XKR4: variants seen among roughly 807,000 people sequenced by gnomAD.
XKR4 encodes the protein XK related 4.
Under a neutral mutation model 53.9 loss-of-function variants are expected in XKR4, and 12 were observed. That is an observed-to-expected ratio of 0.22 (90% CI 0.14 to 0.36). XKR4 has a LOEUF of 0.36. XKR4 is among the 10% of genes least tolerant of loss of function. The pLI is 1.00. For missense variants in XKR4, 799 were observed against 859.5 expected (o/e 0.93, Z 0.88); for synonymous variants, 354 against 362.4 (o/e 0.98, Z 0.26).
chr8:55,396,571 G>A (rs562173201), intron 2 of XKR4, among the ~76,000 whole-genome samples: 1 of 152,120 alleles, frequency 6.6e-6, no homozygotes, highest in African/African-American at 2.4e-5. Context: ...CTGAAGAAAA[G>A]TTCCATCTAT....
chr8:55,358,638 A>G (rs1803855095), intron 2 of XKR4, among the ~76,000 whole-genome samples: 1 of 152,232 alleles, frequency 6.6e-6, no homozygotes, highest in Non-Finnish European at 1.5e-5. Flanking sequence ...AGGTGAATAC[A>G]TGGGCACATG....
chr8:55,509,961 T>G (rs1292205491), intron 2 of XKR4, among the ~76,000 whole-genome samples: 1 of 152,168 alleles, frequency 6.6e-6, no homozygotes, highest in Non-Finnish European at 1.5e-5. Flanking sequence ...TTTGTAAAAC[T>G]CTACACTTTA....
At chr8:55,413,672 T>C (rs1174061791) in intron 2 of XKR4, among the ~76,000 whole-genome samples, 1 of 152,250 alleles carries the variant, frequency 6.6e-6, no homozygotes, top group African/African-American at 2.4e-5. Flanking sequence ...TCTTTAAAAC[T>C]TGGTCTGATT....
chr8:55,301,768 G>A (rs1819202749), intron 1 of XKR4, among the ~76,000 whole-genome samples: 1 of 152,172 alleles, frequency 6.6e-6, no homozygotes, highest in South Asian at 2.1e-4. Flanking sequence ...ATTTTTTCAT[G>A]TGTCTTTTGG....
At chr8:55,447,320 T>C (rs1805361457) in intron 2 of XKR4, among the ~76,000 whole-genome samples, 1 of 152,234 alleles carries the variant, frequency 6.6e-6, no homozygotes, top group East Asian at 1.9e-4. Flanking sequence ...GCCAAATCCA[T>C]GCATCATTCC....
At chr8:55,237,685 A>C (rs1818152639) in intron 1 of XKR4, among the ~76,000 whole-genome samples, 1 of 152,230 alleles carries the variant, frequency 6.6e-6, no homozygotes, top group Non-Finnish European at 1.5e-5. Context: ...ATAGTAGAAG[A>C]ACTAATACAA....
intron 2 of XKR4, among the ~76,000 whole-genome samples, chr8:55,397,590 T>C (rs972392845): frequency 9.2e-5 from 14 of 151,386 alleles, no homozygotes; most frequent in African/African-American, 3.4e-4. Flanking sequence ...TCAATGTTTT[T>C]TTTTTTTCTA....
At chr8:55,260,908 A>C (rs1818515733) in intron 1 of XKR4, among the ~76,000 whole-genome samples, 1 of 152,094 alleles carries the variant, frequency 6.6e-6, no homozygotes, top group Admixed American at 6.6e-5. Context: ...GCCAGCATTC[A>C]CCTGTGCAAG....
At chr8:55,476,850 C>T (rs1288666318) in intron 2 of XKR4, among the ~76,000 whole-genome samples, 1 of 152,090 alleles carries the variant, frequency 6.6e-6, no homozygotes, top group African/African-American at 2.4e-5. Context: ...GGGGGAGGGG[C>T]ACCTGCCATT....
At chr8:55,182,955 C>T (rs1817330245) in intron 1 of XKR4, among the ~76,000 whole-genome samples, 1 of 151,918 alleles carries the variant, frequency 6.6e-6, no homozygotes, top group Non-Finnish European at 1.5e-5. Context: ...ATTTATTTGT[C>T]TTAAAACGTT....
At chr8:55,174,943 C>T (rs1325283615) in intron 1 of XKR4, among the ~76,000 whole-genome samples, 1 of 152,210 alleles carries the variant, frequency 6.6e-6, no homozygotes, top group Non-Finnish European at 1.5e-5. Flanking sequence ...TCTCAAGTTC[C>T]TCTCCAGATG....
Position 55,170,787 on chromosome 8 carries a change from C to G in XKR4, c.806+67493C>G, listed in dbSNP as rs564475538. ...CCAAAGATGGATCACTTAGGCCCCA[C>G]AGTTTGAGTTTCTGGGATAAAGTTT... is the stretch of plus-strand genomic sequence containing the variant. On this transcript the variant is annotated intron_variant, in intron 1 of 2. Transcript: ENST00000327381. 5.5e-4 allele frequency among the ~76,000 whole-genome samples: 83 copies of G among 152,278 alleles called. 2 individuals carry two copies. The South Asian group carries it at 9.7e-3, about 18-fold the overall frequency.
chr8:55,336,936 A>G (rs1258167762), intron 1 of XKR4, among the ~76,000 whole-genome samples: 1 of 152,160 alleles, frequency 6.6e-6, no homozygotes, highest in Non-Finnish European at 1.5e-5. Flanking sequence ...ACATGTATTT[A>G]TTTCATAGCT....
At chr8:55,144,673 G>A (rs552248216) in intron 1 of XKR4, among the ~76,000 whole-genome samples, 2 of 152,132 alleles carry the variant, frequency 1.3e-5, no homozygotes, top group Admixed American at 6.5e-5. Flanking sequence ...AAAGAGGTTC[G>A]GTATGTGAAG....
intron 1 of XKR4, among the ~76,000 whole-genome samples, chr8:55,184,688 G>A (rs146939495): frequency 6.6e-6 from 1 of 152,308 alleles, no homozygotes; most frequent in Non-Finnish European, 1.5e-5. Flanking sequence ...TGTTAAATAA[G>A]GGTGGTGATG....
chr8:55,119,350 A>C (rs1816358797), intron 1 of XKR4, among the ~76,000 whole-genome samples: 1 of 152,156 alleles, frequency 6.6e-6, no homozygotes, highest in African/African-American at 2.4e-5. Flanking sequence ...AGTCCCTCCC[A>C]GAAGGGACTC....
At chr8:55,362,823 C>T in intron 2 of XKR4, among the ~76,000 whole-genome samples, 1 of 152,226 alleles carries the variant, frequency 6.6e-6, no homozygotes, top group Non-Finnish European at 1.5e-5. Flanking sequence ...CCTTCCTCAG[C>T]AATACAGCCT....
intron 2 of XKR4, among the ~76,000 whole-genome samples, chr8:55,415,957 C>T (rs1222044611): frequency 6.6e-6 from 1 of 152,092 alleles, no homozygotes; most frequent in South Asian, 2.1e-4. Context: ...CAATGGTCAC[C>T]TGGTGACTCA....
chr8:55,536,594 G>C lies in XKR4; in HGVS notation c.*12367G>C, dbSNP rs1463664184. The C allele has an allele frequency of 6.6e-6, 1 of 152,066 alleles. No homozygotes were observed. The highest frequency in any genetic ancestry group is 1.5e-5 in the Non-Finnish European group (1 of 68,008). 9.4% of individuals were successfully genotyped at this position (152,066 alleles called of 1,614,324 possible). Reference sequence around the variant, plus strand: ...GGTGTCTGGTGTTTCTGGATAGACAGACTGCTCCGGTGTTGTAAGTAATGG... The same window carrying C: ...GGTGTCTGGTGTTTCTGGATAGACACACTGCTCCGGTGTTGTAAGTAATGG... On this transcript the variant is annotated 3_prime_UTR_variant, in exon 3 of 3. Transcript: ENST00000327381.
Sources: allele counts gnomAD v4.1 joint callset (sites outside exome capture counted in the v4.1 genomes callset), GRCh38; gene constraint gnomAD v4.1.1; transcripts MANE v1.5; gene names NCBI Gene and HGNC (gene_info 2026-07-23, HGNC 2026-07-21).